Variants in SRPK2 observed in about 807,000 individuals in gnomAD.
SRPK2 encodes the protein SFRS protein kinase 2.
A neutral mutation model predicts 90.8 loss-of-function variants in SRPK2; 21 were observed. That is an observed-to-expected ratio of 0.23 (90% CI 0.16 to 0.33). The LOEUF is 0.33. Among genes scored for constraint, SRPK2 ranks in the 10% least tolerant of loss-of-function variants. The pLI is 1.00. For synonymous variants in SRPK2, 288 were observed against 311.1 expected, an observed-to-expected ratio of 0.93 and a Z score of 0.78; for missense variants, 620 against 869.0, an observed-to-expected ratio of 0.71 and a Z score of 3.60.
chr7:105,241,817 C>G (rs963554454), intron 2 of SRPK2, among the ~76,000 whole-genome samples: 11 of 152,032 alleles, frequency 7.2e-5, no homozygotes, highest in African/African-American at 9.7e-5. Context: ...CTCCTCCCAG[C>G]AAAATGACCA....
intron 7 of SRPK2, 191 bp downstream of exon 7, chr7:105,160,316 C>G (rs1807410857): frequency 2.6e-6 from 1 of 383,150 alleles, no homozygotes; most frequent in Non-Finnish European, 4.7e-6. Flanking sequence ...CTTCACAACA[C>G]AAAATATCAT....
intron 2 of SRPK2, among the ~76,000 whole-genome samples, chr7:105,363,828 T>C (rs978485426): frequency 6.6e-6 from 1 of 152,140 alleles, no homozygotes; most frequent in Non-Finnish European, 1.5e-5. Flanking sequence ...ATGTGGCACA[T>C]ATACACCATG....
chr7:105,210,098 G>A (rs76005462), intron 2 of SRPK2, among the ~76,000 whole-genome samples: 12 of 152,246 alleles, frequency 7.9e-5, no homozygotes, highest in Admixed American at 3.9e-4. Context: ...TGAGAGTTCC[G>A]ATTTCCTCTC....
intron 3 of SRPK2, among the ~76,000 whole-genome samples, chr7:105,192,185 G>A (rs1227904234): frequency 6.6e-6 from 1 of 152,004 alleles, no homozygotes; most frequent in East Asian, 1.9e-4. Flanking sequence ...AACCCAGTCT[G>A]TAGTCTTTTG....
chr7:105,390,589 T>C (rs1486914832), upstream of SRPK2, among the ~76,000 whole-genome samples: 2 of 150,072 alleles, frequency 1.3e-5, no homozygotes, highest in Non-Finnish European at 3.0e-5. Flanking sequence ...CCACCACATC[T>C]AGTTAATTTT....
At chr7:105,200,298 C>A (rs554094096) in intron 3 of SRPK2, among the ~76,000 whole-genome samples, 1 of 152,198 alleles carries the variant, frequency 6.6e-6, no homozygotes, top group Admixed American at 6.5e-5. Flanking sequence ...GAGACTCCAT[C>A]TCAAAACAAA....
At chr7:105,364,959 G>C (rs375651736) in intron 2 of SRPK2, among the ~76,000 whole-genome samples, 21 of 152,146 alleles carry the variant, frequency 1.4e-4, no homozygotes, top group African/African-American at 4.8e-4. Context: ...TACAACCAAA[G>C]GACTGGCAGC....
chr7:105,178,234 TA>T (rs1028225804), intron 3 of SRPK2, among the ~76,000 whole-genome samples: 6 of 151,622 alleles, frequency 4.0e-5, no homozygotes, highest in Non-Finnish European at 8.8e-5. Context: ...ATACTAAATA[TA>T]AAAAAAGCAT....
chr7:105,387,740 C>G (rs1033148627), intron 2 of SRPK2, among the ~76,000 whole-genome samples: 1 of 152,146 alleles, frequency 6.6e-6, no homozygotes, highest in South Asian at 2.1e-4. Flanking sequence ...AGCAATTAAT[C>G]TAGAGGAAGA....
intron 2 of SRPK2, among the ~76,000 whole-genome samples, chr7:105,316,778 A>G (rs1006153509): frequency 6.6e-6 from 1 of 152,234 alleles, no homozygotes; most frequent in East Asian, 1.9e-4. Flanking sequence ...TGTGGAGGCA[A>G]GCATGGCCTA....
chr7:105,127,142 C>T (rs1014612409), intron 13 of SRPK2, 80 bp from the exon 14 acceptor site: 1 of 1,350,590 alleles, frequency 7.4e-7, no homozygotes, highest in Non-Finnish European at 1.0e-6. Context: ...ATAGAAGAGA[C>T]CGCCACTTTA....
At chr7:105,382,783 A>G (rs1475074920) in intron 2 of SRPK2, among the ~76,000 whole-genome samples, 6 of 152,282 alleles carry the variant, frequency 3.9e-5, no homozygotes, top group Non-Finnish European at 8.8e-5. Flanking sequence ...TGTGGTAATG[A>G]AACAGTTTGG....
At chr7:105,312,030 G>A (rs768819749) in intron 2 of SRPK2, among the ~76,000 whole-genome samples, 1 of 152,018 alleles carries the variant, frequency 6.6e-6, no homozygotes, top group African/African-American at 2.4e-5. Context: ...AAAAGCAAGT[G>A]AACTTTGACA....
chr7:105,187,892 T>C (rs774152419), intron 3 of SRPK2, among the ~76,000 whole-genome samples: 5 of 151,980 alleles, frequency 3.3e-5, no homozygotes, highest in Non-Finnish European at 5.9e-5. Context: ...AAAATAAACA[T>C]AAAAGGGACA....
chr7:105,384,190 A>G (rs191105607), intron 2 of SRPK2, among the ~76,000 whole-genome samples: 1 of 152,364 alleles, frequency 6.6e-6, no homozygotes, highest in Admixed American at 6.5e-5. Flanking sequence ...TAAACATACT[A>G]TAAGGCAAAA....
In SRPK2 at chr7:105,117,192, T is replaced by C. The variant is rs1799713098; in HGVS notation, c.*646A>G. 1 of 152,292 alleles carries C rather than the reference T, an allele frequency of 6.6e-6. No individual in the cohort carries two copies. The highest frequency in any genetic ancestry group is 6.5e-5 in the Admixed American group (1 of 15,274). 9.4% of individuals were successfully genotyped at this position (152,292 alleles called of 1,614,324 possible). On this transcript the variant is annotated 3_prime_UTR_variant, in exon 16 of 16. Transcript: ENST00000393651. Reference sequence around the variant, plus strand: ...TAACCCAGAGCCACTTTGTTTAAAATCCAATGTGAAAAGACTGTTATGGAA... The same window carrying C: ...TAACCCAGAGCCACTTTGTTTAAAACCCAATGTGAAAAGACTGTTATGGAA...
Position 105,117,765 on chromosome 7 carries a change from A to C in SRPK2, c.*73T>G. The C allele has an allele frequency of 6.7e-7, 1 of 1,501,180 alleles. No individual in the cohort carries two copies. Among genetic ancestry groups the C allele is most frequent in the African/African-American group, 1.4e-5 (1 of 72,132 alleles). 93.0% of individuals were successfully genotyped at this position (1,501,180 alleles called of 1,614,324 possible). A position where few individuals can be genotyped will look rare whatever the true frequency, so the allele number is the denominator to read the frequency against. ...CAGCTCACTTGTAATCCTGTTAAAG[A>C]ATGAGAGTCACCGTTTAGGTCCAAT... On this transcript the variant is annotated 3_prime_UTR_variant, in exon 16 of 16. Transcript: ENST00000393651.
chr7:105,125,847 A>T lies in SRPK2; in HGVS notation c.1915+401T>A, dbSNP rs1312708930. ...AGCGTATTTTCGAGGGACTTTCCCC[A>T]GCAGTTCAATGATCAATGCTATGTG... is the stretch of plus-strand genomic sequence containing the variant. On this transcript the variant is annotated intron_variant, in intron 15 of 15. Coordinates refer to ENST00000393651, the MANE Select transcript of SRPK2 (RefSeq NM_182692.3). 9 of 1,300,050 alleles carry T rather than the reference A, an allele frequency of 6.9e-6. No individual in the cohort carries two copies. In the South Asian group the frequency reaches 1.1e-4, roughly 16 times the overall value. The allele number at this position is 1,300,050 out of a possible 1,614,324, so 80.5% of individuals were successfully genotyped here.
chr7:105,305,024 C>G (rs1810990714), intron 2 of SRPK2, among the ~76,000 whole-genome samples: 3 of 152,212 alleles, frequency 2.0e-5, no homozygotes, highest in South Asian at 4.1e-4. Flanking sequence ...TTAGAAGCAT[C>G]TAGAACCACA....
Sources: allele counts gnomAD v4.1 joint callset (sites outside exome capture counted in the v4.1 genomes callset), GRCh38; gene constraint gnomAD v4.1.1; transcripts MANE v1.5; gene names NCBI Gene and HGNC (gene_info 2026-07-23, HGNC 2026-07-21).